The following TRPS1 variants were observed in gnomAD, a reference collection of about 807,000 sequenced individuals.
TRPS1 encodes transcriptional repressor GATA binding 1.
TRPS1 carries 6 observed loss-of-function variants against 101.2 expected under a neutral mutation model. That is an observed-to-expected ratio of 0.06 (90% CI 0.03 to 0.12). The LOEUF (loss-of-function observed/expected upper bound fraction) is 0.12, where lower values mean the gene tolerates loss of function less well. Ranked by LOEUF, TRPS1 falls within the 10% of genes least tolerant of loss-of-function variation. TRPS1 has a pLI of 1.00. For synonymous variants in TRPS1, 578 were observed against 589.8 expected, an observed-to-expected ratio of 0.98 and a Z score of 0.29; for missense variants, 1,363 against 1,567.0, an observed-to-expected ratio of 0.87 and a Z score of 2.20.
chr8:115,569,675 T>C (rs910459180), intron 5 of TRPS1, among the ~76,000 whole-genome samples: 1 of 152,118 alleles, frequency 6.6e-6, no homozygotes, highest in Non-Finnish European at 1.5e-5. Flanking sequence ...GACTTGGCCA[T>C]AAAATGATAT....
Position 115,603,924 on chromosome 8 carries a change from G to A in TRPS1, c.2045C>T (p.Thr682Ile). The change falls in exon 4 of 7, where the codon ACC becomes ATC. Residue 682 changes from threonine to isoleucine, a missense_variant. By Grantham distance (89) the Thr-to-Ile change is moderately conservative (BLOSUM62 -1). Around this residue, in one of 5 missense-constraint regions of TRPS1, gnomAD observed 1,020 missense variants for 1,073.0 expected, o/e 0.95. Coordinates refer to ENST00000395715, the MANE Select transcript of TRPS1 (RefSeq NM_014112.5). ...CACTTGGGTAATAAAATCACATTTG[G>A]TACATGAGTGTTCTTTGCTTTCCTT... The part of the protein sequence containing the change: ...SVKESKEHSC[T>I]KCDFITQVEE... 6.2e-7 allele frequency: 1 copy of A among 1,613,946 alleles called. No homozygotes were observed. Among genetic ancestry groups the A allele is most frequent in the East Asian group, 2.2e-5 (1 of 44,858 alleles).
At chr8:115,606,807 CAAAAA>C (rs72238288) in intron 3 of TRPS1, among the ~76,000 whole-genome samples, 80,837 of 123,242 alleles carry the variant, frequency 0.66, 24,190 homozygotes, top group East Asian at 0.8. Flanking sequence ...GTTCATTTGC[CAAAAA>C]AAAAAAAAAA....
chr8:115,494,122 T>C (rs1207322275), intron 5 of TRPS1, among the ~76,000 whole-genome samples: 1 of 152,222 alleles, frequency 6.6e-6, no homozygotes, highest in Non-Finnish European at 1.5e-5. Context: ...CTAATTCTTC[T>C]TTCCAATCAT....
chr8:115,553,423 C>A (rs1319708776), intron 5 of TRPS1, among the ~76,000 whole-genome samples: 1 of 152,018 alleles, frequency 6.6e-6, no homozygotes, highest in Non-Finnish European at 1.5e-5. Context: ...ATATGTAAAT[C>A]CTTCAAAAAG....
rs945217161 is a variant in TRPS1, at chr8:115,587,128, A to G, written c.2573T>C (p.Leu858Ser). 2.5e-6 allele frequency: 4 copies of G among 1,614,028 alleles called. No individual in the cohort carries two copies. The highest frequency in any genetic ancestry group is 3.4e-6 in the Non-Finnish European group (4 of 1,180,022). ...CAGGAATCCCTTGGTTTCCACAGCC[A>G]AGCCATAAATAGGTCGCGCCAGATG... ...AAHLARPIYG[L>S]AVETKGFLQG... Residue 858 changes from leucine to serine, a missense_variant, in exon 5 of 7, where the codon TTG becomes TCG. Transcript: ENST00000395715.
chr8:115,557,403 G>T (rs1816846981), intron 5 of TRPS1, among the ~76,000 whole-genome samples: 1 of 152,072 alleles, frequency 6.6e-6, no homozygotes, highest in South Asian at 2.1e-4. Context: ...GTTTGGCTAT[G>T]TCCCACTCTA....
chr8:115,558,870 G>A (rs1816885403), intron 5 of TRPS1, among the ~76,000 whole-genome samples: 1 of 152,038 alleles, frequency 6.6e-6, no homozygotes, highest in South Asian at 2.1e-4. Flanking sequence ...TGCTAATGTG[G>A]TATTTTTTTA....
chr8:115,421,187 G>A (rs1813044422), intron 5 of TRPS1, among the ~76,000 whole-genome samples: 1 of 152,002 alleles, frequency 6.6e-6, no homozygotes, highest in African/African-American at 2.4e-5. Flanking sequence ...GTTTCTCTGT[G>A]TTGGTCAGGC....
chr8:115,574,296 G>C (rs897057247), intron 5 of TRPS1, among the ~76,000 whole-genome samples: 2 of 152,016 alleles, frequency 1.3e-5, no homozygotes, highest in Non-Finnish European at 2.9e-5. Context: ...GGTTAGTTTG[G>C]TCTAGTGAAT....
chr8:115,639,475 G>C (rs1563662774), intron 1 of TRPS1, among the ~76,000 whole-genome samples: 1 of 152,090 alleles, frequency 6.6e-6, no homozygotes, highest in Non-Finnish European at 1.5e-5. Context: ...CAAAATCATT[G>C]ACTCTTATGC....
At chr8:115,498,392 T>TCTCC (rs1815206813) in intron 5 of TRPS1, among the ~76,000 whole-genome samples, 1 of 75,834 alleles carries the variant, frequency 1.3e-5, no homozygotes, top group Non-Finnish European at 2.4e-5. Context: ...TCTCTCTCTC[T>TCTCC]CTCTCTCTCT....
intron 5 of TRPS1, among the ~76,000 whole-genome samples, chr8:115,563,574 G>A (rs985633617): frequency 4.6e-5 from 7 of 152,054 alleles, no homozygotes; most frequent in African/African-American, 1.7e-4. Context: ...CTATCTTAGA[G>A]AAATTTATTT....
At chr8:115,501,370 C>G (rs1188236480) in intron 5 of TRPS1, among the ~76,000 whole-genome samples, 1 of 152,106 alleles carries the variant, frequency 6.6e-6, no homozygotes. Flanking sequence ...GATAAGCATG[C>G]AAGTAAAAAT....
intron 5 of TRPS1, among the ~76,000 whole-genome samples, chr8:115,444,879 G>A (rs1758650398): frequency 6.6e-6 from 1 of 152,128 alleles, no homozygotes; most frequent in African/African-American, 2.4e-5. Flanking sequence ...CCTTCTATGA[G>A]GGGATAGCTC....
At chr8:115,593,788 A>G (rs559883813) in intron 4 of TRPS1, among the ~76,000 whole-genome samples, 3 of 152,276 alleles carry the variant, frequency 2.0e-5, no homozygotes, top group African/African-American at 7.2e-5. Context: ...CCACCCCCGC[A>G]TCCATAAAGA....
chr8:115,433,829 T>C (rs190937689), intron 5 of TRPS1, among the ~76,000 whole-genome samples: 1 of 152,276 alleles, frequency 6.6e-6, no homozygotes, highest in East Asian at 1.9e-4. Flanking sequence ...CTGTTCTTTT[T>C]ACAAGAGGTG....
chr8:115,637,373 A>C, intron 1 of TRPS1: 1 of 894,540 alleles, frequency 1.1e-6, no homozygotes, highest in South Asian at 5.2e-5. Context: ...ATGTGGTGTG[A>C]CATGTAGACG....
At chr8:115,586,895 CATT>C in intron 5 of TRPS1, 103 bp downstream of exon 5, 2 of 1,585,876 alleles carry the variant, frequency 1.3e-6, no homozygotes, top group Non-Finnish European at 1.7e-6. Context: ...TGAGACAGAT[CATT>C]AAGTTTCACT....
At chr8:115,441,019 C>A (rs1396777061) in intron 5 of TRPS1, among the ~76,000 whole-genome samples, 1 of 152,096 alleles carries the variant, frequency 6.6e-6, no homozygotes, top group Non-Finnish European at 1.5e-5. Context: ...ACTGTTAAGG[C>A]CTCTGAACAA....
Sources: gnomAD v4.1 joint callset for allele counts (sites outside exome capture counted in the v4.1 genomes callset) on GRCh38, gnomAD v4.1.1 for gene constraint, gnomAD v4.1.1 regional missense constraint, MANE v1.5 for transcripts, NCBI Gene and HGNC (gene_info 2026-07-23, HGNC 2026-07-21) for gene names.